Variants in TSPAN3 observed in about 807,000 individuals in gnomAD.
TSPAN3 encodes the protein tetraspanin-3.
In TSPAN3, 9 loss-of-function variants were observed where a neutral mutation model predicts 31.1. That is an observed-to-expected ratio of 0.29 (90% CI 0.17 to 0.50). TSPAN3 has a LOEUF of 0.50. Among genes scored for constraint, TSPAN3 ranks in the 20% least tolerant of loss-of-function variants. TSPAN3 has a pLI of 0.98. For synonymous variants in TSPAN3, 129 were observed against 114.3 expected (o/e 1.13, Z -0.82); for missense variants, 252 against 313.5 (o/e 0.80, Z 1.48).
chr15:77,045,983 C>T lies in TSPAN3; in HGVS notation c.*852G>A, dbSNP rs1381573640. 2 of 154,888 alleles carry T rather than the reference C, an allele frequency of 1.3e-5. No homozygotes were observed. Among genetic ancestry groups the T allele is most frequent in the Non-Finnish European group, 2.9e-5 (2 of 70,012 alleles). 9.6% of individuals were successfully genotyped at this position (154,888 alleles called of 1,614,324 possible). The stretch of plus-strand genomic sequence containing the variant: ...CACCAACAAAGAAAACATGATACTG[C>T]TGCTCTGGAACTGAAATATCCCCCA... On this transcript the variant is annotated 3_prime_UTR_variant, in exon 7 of 7. Transcript: ENST00000267970.
intron 5 of TSPAN3, 87 bp from the exon 6 acceptor site, chr15:77,052,555 G>C: frequency 7.6e-7 from 1 of 1,309,500 alleles, no homozygotes; most frequent in Non-Finnish European, 1.1e-6. Flanking sequence ...TTACAGAAAG[G>C]AAAATGACAG....
At chr15:77,052,644 T>C in intron 5 of TSPAN3, 133 bp downstream of exon 5, 1 of 1,138,988 alleles carries the variant, frequency 8.8e-7, no homozygotes, top group Non-Finnish European at 1.2e-6. Flanking sequence ...ATGCATTTTA[T>C]AATAATTTAC....
chr15:77,052,157 C>T (rs1034156305), intron 6 of TSPAN3, among the ~76,000 whole-genome samples: 7 of 152,142 alleles, frequency 4.6e-5, no homozygotes, highest in Admixed American at 1.3e-4. Flanking sequence ...GAGGAGTTCC[C>T]TCAACACGTG....
intron 1 of TSPAN3, among the ~76,000 whole-genome samples, chr15:77,059,541 C>A (rs148932388): frequency 6.6e-6 from 1 of 152,146 alleles, no homozygotes; most frequent in African/African-American, 2.4e-5. Flanking sequence ...TCAGTCCTCA[C>A]GCTAAATTAG....
At chr15:77,060,358 TATGAA>T (rs1335751821) in intron 1 of TSPAN3, among the ~76,000 whole-genome samples, 1 of 152,172 alleles carries the variant, frequency 6.6e-6, no homozygotes, top group East Asian at 1.9e-4. Flanking sequence ...AATAAACAAT[TATGAA>T]ATGACACTGG....
Position 77,070,939 on chromosome 15 carries a change from T to C in TSPAN3, c.16A>G (p.Ile6Val). The C allele has an allele frequency of 6.9e-7, 1 of 1,445,754 alleles. No individual in the cohort carries two copies. Among genetic ancestry groups the C allele is most frequent in the Non-Finnish European group, 9.2e-7 (1 of 1,091,840 alleles). The allele number at this position is 1,445,754 out of a possible 1,614,324, so 89.6% of individuals were successfully genotyped here. A position where few individuals can be genotyped will look rare whatever the true frequency, so the allele number is the denominator to read the frequency against. MGQCGITSSKTVLVFL... is the reference protein window; with the variant it reads MGQCGVTSSKTVLVFL... The stretch of plus-strand genomic sequence containing the variant: ...ACCAGCACGGTCTTGGAGGAGGTGA[T>C]GCCGCACTGGCCCATGGCGCCGGTG... Residue 6 changes from isoleucine to valine, a missense_variant, in exon 1 of 7, where the codon ATC (isoleucine) becomes GTC (valine). Physicochemically the swap from Ile to Val is conservative, Grantham distance 29 (BLOSUM62 3). Transcript: ENST00000267970.
intron 2 of TSPAN3, 100 bp from the exon 3 acceptor site, chr15:77,055,963 T>C: frequency 1.2e-5 from 18 of 1,522,130 alleles, no homozygotes; most frequent in Non-Finnish European, 1.6e-5. Flanking sequence ...GCTAGAAGTT[T>C]AAATGTTAAC....
rs916079065 is a variant in TSPAN3, at chr15:77,052,596, A to G, written c.586-128T>C. The G allele has an allele frequency of 2.4e-5, 27 of 1,121,750 alleles. No homozygotes were observed. The Admixed American group carries it at 5.9e-4, about 25-fold the overall frequency. The allele number at this position is 1,121,750 out of a possible 1,614,324, so 69.5% of individuals were successfully genotyped here. ...GAAAGAGTGGAAAAAAGATTCCATG[A>G]TTGGTATAATTTACAGACATGTAAT... On this transcript the variant is annotated intron_variant, in intron 5 of 6. Transcript: ENST00000267970.
At chr15:77,062,304 C>G (rs755682473) in intron 1 of TSPAN3, among the ~76,000 whole-genome samples, 11 of 152,154 alleles carry the variant, frequency 7.2e-5, no homozygotes, top group Non-Finnish European at 1.3e-4. Context: ...TTCTCTAATT[C>G]AACCATGCTT....
rs138815940 is a variant in TSPAN3 at position 77,052,654 on chromosome 15, C to T, written c.585+123G>A. 255 of 1,171,822 alleles carry T rather than the reference C, an allele frequency of 2.2e-4. 1 individual carries two copies. In the African/African-American group the frequency reaches 3.7e-3, roughly 17 times the overall value. 72.6% of individuals were successfully genotyped at this position (1,171,822 alleles called of 1,614,324 possible). A position where few individuals can be genotyped will look rare whatever the true frequency, so the allele number is the denominator to read the frequency against. ...AAGACATGCATTTTATAATAATTTA[C>T]AGTAAAACAATATATGACATTAAAG... On this transcript the variant is annotated intron_variant, in intron 5 of 6. Transcript: ENST00000267970.
At chr15:77,059,747 C>T (rs994492627) in intron 1 of TSPAN3, among the ~76,000 whole-genome samples, 9 of 152,044 alleles carry the variant, frequency 5.9e-5, no homozygotes, top group East Asian at 3.9e-4. Flanking sequence ...TATGTAAATT[C>T]GAATGAAAAT....
At chr15:77,054,156 A>C in intron 4 of TSPAN3, 22 bp downstream of exon 4, 1 of 1,587,962 alleles carries the variant, frequency 6.3e-7, no homozygotes, top group Non-Finnish European at 8.6e-7. Context: ...CTCAAAAACA[A>C]ATCTGCCTCA....
In TSPAN3 at chr15:77,043,821, A is replaced by C. The variant is rs2076672851; in HGVS notation, c.*3014T>G. The C allele has an allele frequency of 6.6e-6, 1 of 152,186 alleles. No individual in the cohort carries two copies. Among genetic ancestry groups the C allele is most frequent in the Admixed American group, 6.6e-5 (1 of 15,264 alleles). 9.4% of individuals were successfully genotyped at this position (152,186 alleles called of 1,614,324 possible). On this transcript the variant is annotated 3_prime_UTR_variant, in exon 7 of 7. Transcript: ENST00000267970. ...TTGACAACTGTACTGCAGTCGTCAG[A>C]GAGTATCTTCTTCTTGGTAAGTACC...
intron 6 of TSPAN3, among the ~76,000 whole-genome samples, chr15:77,047,168 T>TTA (rs1439323381): frequency 3.9e-5 from 6 of 152,228 alleles, no homozygotes; most frequent in African/African-American, 1.4e-4. Flanking sequence ...CAAGTCTCTC[T>TTA]TATTTGGCAT....
intron 1 of TSPAN3, among the ~76,000 whole-genome samples, chr15:77,066,461 A>T (rs1385440009): frequency 6.7e-6 from 1 of 150,142 alleles, no homozygotes; most frequent in Non-Finnish European, 1.5e-5. Flanking sequence ...AGTCCCAGCT[A>T]CTCGGGAGGC....
chr15:77,053,452 A>AG, intron 4 of TSPAN3, among the ~76,000 whole-genome samples: 3 of 29,946 alleles, frequency 1.0e-4, no homozygotes, highest in Non-Finnish European at 8.0e-5. Flanking sequence ...TCGCCATCTC[A>AG]AAAAAAAAAA....
chr15:77,051,819 T>C (rs923757310), intron 6 of TSPAN3, among the ~76,000 whole-genome samples: 1 of 152,160 alleles, frequency 6.6e-6, no homozygotes, highest in Admixed American at 6.5e-5. Flanking sequence ...TATCATGTCA[T>C]TGCACTCAAG....
rs1028810604 is a variant in TSPAN3 at position 77,046,000 on chromosome 15, TATCCC to T, written c.*830_*834del. The T allele has an allele frequency of 4.5e-5, 7 of 157,264 alleles. No individual in the cohort carries two copies. Among genetic ancestry groups the T allele is most frequent in the African/African-American group, 1.4e-4 (6 of 41,674 alleles). 9.7% of individuals were successfully genotyped at this position (157,264 alleles called of 1,614,324 possible). ...TGATACTGCTGCTCTGGAACTGAAA[TATCCC>T]CCAAATAATGAAAAATAATATGTTG... is the stretch of plus-strand genomic sequence containing the variant. On this transcript the variant is annotated 3_prime_UTR_variant, in exon 7 of 7. Coordinates refer to ENST00000267970, the MANE Select transcript of TSPAN3 (RefSeq NM_005724.6).
At chr15:77,053,065 A>T in intron 4 of TSPAN3, 136 bp from the exon 5 acceptor site, 1 of 860,752 alleles carries the variant, frequency 1.2e-6, no homozygotes, top group East Asian at 2.7e-5. Context: ...AGTCTGCATG[A>T]TCCAATATAG....
Sources: gnomAD v4.1 joint callset for allele counts (sites outside exome capture counted in the v4.1 genomes callset) on GRCh38, gnomAD v4.1.1 for gene constraint, MANE v1.5 for transcripts, NCBI Gene and HGNC (gene_info 2026-07-23, HGNC 2026-07-21) for gene names.